NBPF12: variants seen among roughly 807,000 people sequenced by gnomAD.
NBPF12 encodes the protein NBPF member 12.
NBPF12 carries 115 observed loss-of-function variants against 146.4 expected under a neutral mutation model. The ratio of observed to expected loss-of-function variants is 0.79; its 90% confidence interval spans 0.68 to 0.92. The LOEUF is 0.92. Among genes scored for constraint, NBPF12 ranks in the 40% least tolerant of loss-of-function variants. The probability of loss-of-function intolerance (pLI) is 0.00; values close to 1 mark genes in which losing one functional copy is unlikely to be tolerated. For synonymous variants in NBPF12, 385 were observed against 508.9 expected (o/e 0.76, Z 3.28); for missense variants, 1,205 against 1,326.8 (o/e 0.91, Z 1.43).
chr1:146,990,793 G>C (rs1175888207), intron 29 of NBPF12, among the ~76,000 whole-genome samples: 37 of 109,444 alleles, frequency 3.4e-4, no homozygotes, highest in Non-Finnish European at 5.2e-4. Context: ...TGAGCCCACT[G>C]TTTTCATGAT....
intron 19 of NBPF12, among the ~76,000 whole-genome samples, chr1:146,980,260 C>T (rs1407323717): frequency 6.6e-6 from 1 of 152,048 alleles, no homozygotes; most frequent in Non-Finnish European, 1.5e-5. Flanking sequence ...GGTCTTGACT[C>T]TTTATCCAAT....
rs1400476363 is a variant in NBPF12 at position 146,994,741 on chromosome 1, G to A, written c.*166G>A. ...GCATGCCAGTGGCAACCTGTGCTCAGTCTGAAGACAATGGACCCACGTTAG... is the reference window on the plus strand; with the variant it reads ...GCATGCCAGTGGCAACCTGTGCTCAATCTGAAGACAATGGACCCACGTTAG... On this transcript the variant is annotated 3_prime_UTR_variant, in exon 34 of 34. Coordinates refer to ENST00000617844, the Ensembl canonical transcript of NBPF12. 4.1e-6 allele frequency: 5 copies of A among 1,208,594 alleles called. No individual in the cohort carries two copies. In the Admixed American group the frequency reaches 8.0e-5, roughly 19 times the overall value. The allele number at this position is 1,208,594 out of a possible 1,614,324, so 74.9% of individuals were successfully genotyped here.
chr1:146,969,652 G>C lies in NBPF12; in HGVS notation c.1306+56G>C, dbSNP rs1656445993. 29 of 1,546,768 alleles carry C rather than the reference G, an allele frequency of 1.9e-5. 1 individual carries two copies. Among genetic ancestry groups the C allele is most frequent in the Middle Eastern group, 2.3e-4 (1 of 4,378 alleles). On this transcript the variant is annotated intron_variant, in intron 11 of 33. Transcript: ENST00000617844. ...AACCCCAGGCTTATGAGAGGCTCCA[G>C]ACCTCCATACTTTCACAATGACAGT...
At chr1:146,968,288 AGT>A in intron 9 of NBPF12, among the ~76,000 whole-genome samples, 158 bp from the exon 13 acceptor site, 1 of 87,130 alleles carries the variant, frequency 1.1e-5, no homozygotes, top group Admixed American at 1.1e-4. Context: ...GATGCCAGAA[AGT>A]CAGGAGACTG....
At position 146,965,836 on chromosome 1, in the gene NBPF12, C is replaced by A. The variant is rs1553885566; in HGVS notation, c.779-628C>A. Reference sequence around the variant, plus strand: ...AAAAAAAAAAGTCTCTGACCAGGGGCGCTGGCTCACATCTTAATCCCAGCA... The same window carrying A: ...AAAAAAAAAAGTCTCTGACCAGGGGAGCTGGCTCACATCTTAATCCCAGCA... On this transcript the variant is annotated intron_variant, in intron 8 of 33. Transcript: ENST00000617844. Among the ~76,000 whole-genome samples, 133 of 126,822 alleles carry A rather than the reference C, an allele frequency of 1.0e-3. 4 individuals are homozygous for A. Among genetic ancestry groups the A allele is most frequent in the African/African-American group, 3.8e-3 (128 of 33,438 alleles). The allele number at this position is 126,822 out of a possible 152,430, so 83.2% of individuals were successfully genotyped here.
chr1:146,982,812 G>A (rs1192778708), intron 19 of NBPF12, 116 bp from the exon 23 acceptor site: 1 of 1,444,262 alleles, frequency 6.9e-7, no homozygotes, highest in Non-Finnish European at 9.6e-7. Flanking sequence ...AAGGAAAAAT[G>A]CCTTTGGTTT....
exon 34 of NBPF12, chr1:146,994,861 C>T (rs1658447196): frequency 7.3e-6 from 4 of 544,590 alleles, no homozygotes; most frequent in South Asian, 4.2e-5. Context: ...CTACAAAATT[C>T]CTCAGGGATT....
At chr1:146,954,481 T>C (rs1441073197) in intron 2 of NBPF12, among the ~76,000 whole-genome samples, 4 of 141,488 alleles carry the variant, frequency 2.8e-5, no homozygotes, top group Non-Finnish European at 4.6e-5. Context: ...TGAGAAATTA[T>C]GAAAGAACTA....
chr1:146,946,232 A>G (rs1490258089), upstream of NBPF12, among the ~76,000 whole-genome samples: 1 of 151,274 alleles, frequency 6.6e-6, no homozygotes, highest in African/African-American at 2.4e-5. Flanking sequence ...CAATTATGAT[A>G]AAATTGCTGT....
upstream of NBPF12, among the ~76,000 whole-genome samples, chr1:146,945,535 G>A (rs1318405639): frequency 4.0e-5 from 6 of 151,816 alleles, no homozygotes; most frequent in African/African-American, 1.5e-4. Flanking sequence ...CTGACTCCAG[G>A]TTGGTGCACT....
chr1:146,944,681 C>G (rs1265436237), upstream of NBPF12, among the ~76,000 whole-genome samples: 1 of 151,632 alleles, frequency 6.6e-6, no homozygotes, highest in African/African-American at 2.4e-5. Context: ...TATAGTTTTA[C>G]AGTAGTGCGT....
chr1:146,972,374 A>T (rs1656703452), intron 13 of NBPF12, among the ~76,000 whole-genome samples: 1 of 151,352 alleles, frequency 6.6e-6, no homozygotes, highest in African/African-American at 2.5e-5. Context: ...AGCCTGCGTG[A>T]CAGAGTGAGA....
At chr1:146,962,944 T>G in intron 5 of NBPF12, 151 bp from the exon 9 acceptor site, 3 of 641,782 alleles carry the variant, frequency 4.7e-6, no homozygotes, top group Non-Finnish European at 8.3e-6. Context: ...TTTCTGTTCT[T>G]TCTCTTGGCC....
intron 25 of NBPF12, among the ~76,000 whole-genome samples, chr1:146,987,675 T>TTCTC (rs202172679): frequency 7.3e-5 from 11 of 150,374 alleles, no homozygotes; most frequent in Admixed American, 2.0e-4. Flanking sequence ...TGAGCTCGTT[T>TTCTC]TCTCTCTCTC....
chr1:146,972,766 C>T (rs1215799092), exon 14 of NBPF12: 7 of 1,241,088 alleles, frequency 5.6e-6, no homozygotes, highest in African/African-American at 3.0e-5. Context: ...GGCCCCACCT[C>T]TTCTGCCACA....
intron 18 of NBPF12, among the ~76,000 whole-genome samples, 177 bp downstream of exon 21, chr1:146,977,848 C>T (rs1479700681): frequency 2.6e-5 from 4 of 152,050 alleles, no homozygotes; most frequent in African/African-American, 4.8e-5. Context: ...TCTGCCAGTC[C>T]CCAGTATCAA....
At chr1:146,970,948 G>T (rs1315689216) in intron 12 of NBPF12, among the ~76,000 whole-genome samples, 1 of 151,256 alleles carries the variant, frequency 6.6e-6, no homozygotes, top group Non-Finnish European at 1.5e-5. Context: ...ATCCTCCTCA[G>T]CTCCTATTTG....
intron 1 of NBPF12, among the ~76,000 whole-genome samples, chr1:146,939,217 C>T (rs2101800606): frequency 6.6e-6 from 1 of 152,130 alleles, no homozygotes; most frequent in East Asian, 1.9e-4. Flanking sequence ...GAAGAAACTC[C>T]CTGGCGGGTG....
intron 4 of NBPF12, among the ~76,000 whole-genome samples, chr1:146,961,434 C>A (rs1291228202): frequency 1.3e-5 from 2 of 151,986 alleles, no homozygotes; most frequent in African/African-American, 2.4e-5. Flanking sequence ...CAATGAATTA[C>A]ATGAGGTATT....
Sources: allele counts gnomAD v4.1 joint callset (sites outside exome capture counted in the v4.1 genomes callset), GRCh38; gene constraint gnomAD v4.1.1; transcripts MANE v1.5; gene names NCBI Gene and HGNC (gene_info 2026-07-23, HGNC 2026-07-21).